The following ASIC2 variants were observed in gnomAD, a reference collection of about 807,000 sequenced individuals.
The protein encoded by ASIC2 is acid sensing ion channel subunit 2, also known as acid-sensing ion channel 2.
In ASIC2, 25 loss-of-function variants were observed where a neutral mutation model predicts 57.3. The ratio of observed to expected loss-of-function variants is 0.44; its 90% CI spans 0.32 to 0.61. The LOEUF is 0.61. Ranked by LOEUF, ASIC2 falls within the 20% of genes least tolerant of loss-of-function variation. The pLI is 0.06. For synonymous variants in ASIC2, 319 were observed against 307.5 expected, an observed-to-expected ratio of 1.04 and a Z score of -0.39; for missense variants, 641 against 738.1, an observed-to-expected ratio of 0.87 and a Z score of 1.52.
intron 1 of ASIC2, among the ~76,000 whole-genome samples, chr17:33,867,902 G>A (rs1914284868): frequency 6.6e-6 from 1 of 152,214 alleles, no homozygotes; most frequent in Non-Finnish European, 1.5e-5. Context: ...AAGCTAAGCA[G>A]GGACATGGGG....
At chr17:33,323,142 C>A (rs1282715837) in intron 1 of ASIC2, among the ~76,000 whole-genome samples, 1 of 152,106 alleles carries the variant, frequency 6.6e-6, no homozygotes, top group Non-Finnish European at 1.5e-5. Flanking sequence ...TAAAGTGAAA[C>A]ATATGGCTAC....
chr17:33,894,756 G>A (rs1915051270), intron 1 of ASIC2, among the ~76,000 whole-genome samples: 1 of 152,146 alleles, frequency 6.6e-6, no homozygotes, highest in African/African-American at 2.4e-5. Flanking sequence ...TTTCAGCTTA[G>A]CCTTAAGTTA....
intron 1 of ASIC2, among the ~76,000 whole-genome samples, chr17:33,853,045 C>T (rs1264015282): frequency 3.9e-5 from 6 of 152,188 alleles, no homozygotes; most frequent in Non-Finnish European, 1.5e-5. Flanking sequence ...CATGTACAGT[C>T]TCACCCACAC....
At chr17:33,112,433 A>C (rs1375883514) in intron 1 of ASIC2, among the ~76,000 whole-genome samples, 1 of 152,100 alleles carries the variant, frequency 6.6e-6, no homozygotes, top group Non-Finnish European at 1.5e-5. Flanking sequence ...GCCTCCAGAC[A>C]CACTAGTTTC....
chr17:33,931,200 G>A (rs1246429716), intron 1 of ASIC2: 2 of 152,150 alleles, frequency 1.3e-5, no homozygotes, highest in East Asian at 1.9e-4. Flanking sequence ...CGAGCTCCCC[G>A]AGCGAGCAAT....
At chr17:33,950,908 C>G (rs1904540252) in intron 1 of ASIC2, among the ~76,000 whole-genome samples, 1 of 139,630 alleles carries the variant, frequency 7.2e-6, no homozygotes, top group Admixed American at 7.5e-5. Context: ...GCACTTACAT[C>G]TCTTATTATA....
At chr17:33,463,718 C>T (rs1912719073) in intron 1 of ASIC2, among the ~76,000 whole-genome samples, 1 of 152,224 alleles carries the variant, frequency 6.6e-6, no homozygotes, top group Non-Finnish European at 1.5e-5. Flanking sequence ...TGATTAGTGT[C>T]CCTAAGTCCT....
At chr17:33,459,674 G>A (rs543795986) in intron 1 of ASIC2, among the ~76,000 whole-genome samples, 2 of 152,312 alleles carry the variant, frequency 1.3e-5, no homozygotes, top group East Asian at 3.9e-4. Flanking sequence ...GTCGGGGTGG[G>A]AACACCCCTT....
intron 1 of ASIC2, among the ~76,000 whole-genome samples, chr17:34,152,895 G>T (rs879342989): frequency 6.6e-6 from 1 of 151,874 alleles, no homozygotes; most frequent in African/African-American, 2.4e-5. Flanking sequence ...AGACAATCTG[G>T]AATCAAAGCT....
rs578108045 is a variant in ASIC2, at chr17:33,292,665, G to A, written c.-550C>T. 2 of 985,688 alleles carry A rather than the reference G, an allele frequency of 2.0e-6. No homozygotes were observed. Among genetic ancestry groups the A allele is most frequent in the African/African-American group, 3.5e-5 (2 of 57,384 alleles). The allele number at this position is 985,688 out of a possible 1,614,324, so 61.1% of individuals were successfully genotyped here. On this transcript the variant is annotated 5_prime_UTR_variant, in exon 1 of 10. Coordinates refer to ENST00000225823, the MANE Select transcript of ASIC2 (RefSeq NM_183377.2). ...TGGGACACGGGAGAGAAGGCGCCAA[G>A]GAACGAGCGCCCCCAGAGGCGCACC...
chr17:33,152,849 C>A (rs918012405), intron 1 of ASIC2, among the ~76,000 whole-genome samples: 1 of 152,150 alleles, frequency 6.6e-6, no homozygotes, highest in Non-Finnish European at 1.5e-5. Context: ...ATTTTTTTAA[C>A]TTTCCACTGG....
intron 1 of ASIC2, among the ~76,000 whole-genome samples, chr17:33,407,254 G>T (rs371879393): frequency 3.3e-5 from 5 of 152,180 alleles, no homozygotes; most frequent in Admixed American, 6.5e-5. Flanking sequence ...AGTGCCCAAG[G>T]TCCCTCAATA....
At chr17:34,113,296 C>G (rs1911331206) in intron 1 of ASIC2, among the ~76,000 whole-genome samples, 1 of 152,158 alleles carries the variant, frequency 6.6e-6, no homozygotes, top group Admixed American at 6.5e-5. Flanking sequence ...TAAAATGAGT[C>G]ATGCCTGTAA....
rs1004732214 is a variant in ASIC2 at position 33,372,428 on chromosome 17, G to A, written c.556-260361C>T. ...CTCTGCCTACCCCCTGGGGCCCGGG[G>A]GAATGAGACAAAGCAGCAGGTAAGA... On this transcript the variant is annotated intron_variant, in intron 1 of 9. Coordinates refer to the ASIC2 transcript ENST00000359872. 7.2e-5 allele frequency among the ~76,000 whole-genome samples: 11 copies of A among 152,132 alleles called. 2 individuals carry two copies. Among genetic ancestry groups the A allele is most frequent in the Admixed American group, 1.3e-4 (2 of 15,290 alleles).
At chr17:34,017,560 C>T (rs1016509362) in intron 1 of ASIC2, among the ~76,000 whole-genome samples, 1 of 152,234 alleles carries the variant, frequency 6.6e-6, no homozygotes, top group African/African-American at 2.4e-5. Flanking sequence ...AGCTAGTCCT[C>T]TTGCACCAAA....
intron 1 of ASIC2, among the ~76,000 whole-genome samples, chr17:33,648,784 T>C (rs1157274): frequency 0.021 from 3,178 of 152,348 alleles, 98 homozygotes; most frequent in African/African-American, 0.071. Flanking sequence ...TCAACTCACA[T>C]GTACAATTTT....
intron 1 of ASIC2, among the ~76,000 whole-genome samples, chr17:33,645,220 CA>C (rs1906703335): frequency 6.6e-6 from 1 of 152,094 alleles, no homozygotes; most frequent in African/African-American, 2.4e-5. Flanking sequence ...AAATAAATGG[CA>C]AATCTGGAGA....
At chr17:33,917,880 ACGTGCATGTG>A (rs1915618801) in intron 1 of ASIC2, among the ~76,000 whole-genome samples, 3 of 141,972 alleles carry the variant, frequency 2.1e-5, no homozygotes, top group African/African-American at 7.8e-5. Context: ...ACACACACAC[ACGTGCATGTG>A]CACACACACA....
chr17:34,076,016 T>A (rs1288310778), intron 1 of ASIC2, among the ~76,000 whole-genome samples: 1 of 151,532 alleles, frequency 6.6e-6, no homozygotes, highest in Non-Finnish European at 1.5e-5. Context: ...TTTTATTTTT[T>A]TTTTGAGACA....
Sources: allele counts gnomAD v4.1 joint callset (sites outside exome capture counted in the v4.1 genomes callset), GRCh38; gene constraint gnomAD v4.1.1; transcripts MANE v1.5; gene names NCBI Gene and HGNC (gene_info 2026-07-23, HGNC 2026-07-21).